KLHL13: variants seen among roughly 807,000 people sequenced by gnomAD.
The protein encoded by KLHL13 is kelch like family member 13, also known as kelch-like protein 13.
In KLHL13, 10 loss-of-function variants were observed where a neutral mutation model predicts 37.1. The observed-to-expected ratio is 0.27, with a 90% confidence interval of 0.17 to 0.46. The LOEUF is 0.46. KLHL13 is among the 20% of genes least tolerant of loss of function. The probability of loss-of-function intolerance (pLI) is 1.00; values close to 1 mark genes in which losing one functional copy is unlikely to be tolerated. For missense variants in KLHL13, 360 were observed against 509.3 expected (o/e 0.71, Z 2.82); for synonymous variants, 163 against 181.2 (o/e 0.90, Z 0.81).
At chrX:118,095,357 T>C (rs2055192263) in intron 1 of KLHL13, among the ~76,000 whole-genome samples, 1 of 111,453 alleles carries the variant, frequency 9.0e-6, no homozygotes, top group Non-Finnish European at 1.9e-5. Context: ...TAAATATATA[T>C]GCACCCAATA....
chrX:118,002,048 T>C (rs2053927660), intron 1 of KLHL13, among the ~76,000 whole-genome samples: 1 of 111,031 alleles, frequency 9.0e-6, no homozygotes, highest in Non-Finnish European at 1.9e-5. Flanking sequence ...TCAAGTGCGG[T>C]AACAGTTAAA....
At chrX:118,110,619 C>T (rs1022513152) in intron 1 of KLHL13, among the ~76,000 whole-genome samples, 2 of 110,532 alleles carry the variant, frequency 1.8e-5, no homozygotes, top group Middle Eastern at 4.2e-3. Context: ...CCTTATCATC[C>T]GCCCGCCTCG....
intron 1 of KLHL13, among the ~76,000 whole-genome samples, chrX:118,106,241 T>A (rs1444421391): frequency 9.1e-6 from 1 of 110,162 alleles, no homozygotes; most frequent in African/African-American, 3.3e-5. Flanking sequence ...GATTAGAAAC[T>A]AAAGGCCTAC....
chrX:117,942,485 G>A (rs755743625), intron 2 of KLHL13, among the ~76,000 whole-genome samples: 120 of 111,260 alleles, frequency 1.1e-3, no homozygotes, highest in African/African-American at 3.7e-3. Flanking sequence ...AGATCTCTAC[G>A]AACTTGCTTA....
chrX:117,927,367 A>C lies in KLHL13; in HGVS notation c.241-6997T>G, dbSNP rs146440270. ...TGACAGTGGGGGTGGCAGATGCCTA[A>C]AACCCTGTAAAAGAGGAACCTTTCT... On this transcript the variant is annotated intron_variant, in intron 2 of 6. Transcript: ENST00000262820. Among the ~76,000 whole-genome samples, 950 of 112,133 alleles carry C rather than the reference A, an allele frequency of 8.5e-3. 7 individuals carry two copies. The highest frequency in any genetic ancestry group is 0.03 in the African/African-American group (912 of 30,889).
intron 1 of KLHL13, among the ~76,000 whole-genome samples, chrX:118,061,014 C>T (rs2054734512): frequency 9.0e-6 from 1 of 111,085 alleles, no homozygotes; most frequent in Non-Finnish European, 1.9e-5. Flanking sequence ...CCTATCTCCA[C>T]ACTTCACCAC....
intron 1 of KLHL13, among the ~76,000 whole-genome samples, chrX:117,955,359 A>G: frequency 9.0e-6 from 1 of 111,715 alleles, no homozygotes; most frequent in Non-Finnish European, 1.9e-5. Flanking sequence ...ACCTAAGAGT[A>G]AGACTCACAA....
intron 1 of KLHL13, among the ~76,000 whole-genome samples, chrX:117,967,984 T>C (rs1006044564): frequency 2.7e-5 from 3 of 111,248 alleles, no homozygotes. Flanking sequence ...CAAGCAGAGA[T>C]TCTGCTTAAA....
chrX:117,932,931 T>C (rs1403655683), intron 2 of KLHL13, among the ~76,000 whole-genome samples: 1 of 112,197 alleles, frequency 8.9e-6, no homozygotes, highest in African/African-American at 3.2e-5. Context: ...TGATTTTGCA[T>C]TGTGGTTCTG....
At chrX:117,923,627 T>C (rs1931842440) in intron 2 of KLHL13, among the ~76,000 whole-genome samples, 1 of 112,135 alleles carries the variant, frequency 8.9e-6, no homozygotes, top group Non-Finnish European at 1.9e-5. Flanking sequence ...ATAATGTCAG[T>C]ATGTTCCATT....
At chrX:118,098,874 A>T (rs1426825432) in intron 1 of KLHL13, among the ~76,000 whole-genome samples, 1 of 95,531 alleles carries the variant, frequency 1.0e-5, no homozygotes, top group African/African-American at 3.8e-5. Flanking sequence ...GAATTGAACA[A>T]TGAGAACACA....
At chrX:117,942,840 T>C (rs1410884573) in intron 2 of KLHL13, among the ~76,000 whole-genome samples, 1 of 111,543 alleles carries the variant, frequency 9.0e-6, no homozygotes, top group Non-Finnish European at 1.9e-5. Context: ...AGGTTAATAT[T>C]GTTATGTGTG....
chrX:118,006,753 T>A (rs1053661567), intron 1 of KLHL13, among the ~76,000 whole-genome samples: 1 of 111,517 alleles, frequency 9.0e-6, no homozygotes, highest in Admixed American at 9.5e-5. Context: ...AAGAAACTGG[T>A]ACCACTGTTA....
At chrX:118,108,636 T>C (rs2055371992) in intron 1 of KLHL13, among the ~76,000 whole-genome samples, 1 of 112,122 alleles carries the variant, frequency 8.9e-6, no homozygotes, top group African/African-American at 3.2e-5. Context: ...ACAAACCAAT[T>C]TGTATACTAT....
At chrX:117,966,974 C>T (rs1362279206) in intron 1 of KLHL13, among the ~76,000 whole-genome samples, 3 of 111,631 alleles carry the variant, frequency 2.7e-5, no homozygotes, top group African/African-American at 9.8e-5. Context: ...AAAACCTAGG[C>T]AATACCATTC....
At position 117,945,732 on chromosome X, in the gene KLHL13, T is replaced by C. The variant is rs977963235; in HGVS notation, c.99-157A>G. On this transcript the variant is annotated intron_variant, in intron 1 of 6. Transcript: ENST00000262820. ...TATTATACGCTTGTACCACTCTTTA[T>C]CTTAGAAGAAATGTATATTTGTAAA... 7.3e-6 allele frequency: 3 copies of C among 412,664 alleles called. No homozygotes were observed. The African/African-American group carries it at 7.5e-5, about 10-fold the overall frequency. 34.0% of individuals were successfully genotyped at this position (412,664 alleles called of 1,213,427 possible). A position where few individuals can be genotyped will look rare whatever the true frequency, so the allele number is the denominator to read the frequency against.
At position 118,069,076 on chromosome X, in the gene KLHL13, G is replaced by C. The variant is rs1173316602; in HGVS notation, c.-56+47432C>G. Among the ~76,000 whole-genome samples, 4 of 105,081 alleles carry C rather than the reference G, an allele frequency of 3.8e-5. No homozygotes were observed. The South Asian group carries it at 1.7e-3, about 44-fold the overall frequency. 91.3% of individuals were successfully genotyped at this position (105,081 alleles called of 115,157 possible). Reference sequence around the variant, plus strand: ...GCAAACAGCGCTTTGGTGGAGCCCTGCATCCTGGTGAAAACAGGGCCATCC... The same window carrying C: ...GCAAACAGCGCTTTGGTGGAGCCCTCCATCCTGGTGAAAACAGGGCCATCC... On this transcript the variant is annotated intron_variant, in intron 1 of 6. Coordinates refer to the KLHL13 transcript ENST00000371882.
chrX:118,087,065 A>G (rs1206920193), intron 1 of KLHL13, among the ~76,000 whole-genome samples: 3 of 111,846 alleles, frequency 2.7e-5, no homozygotes, highest in Non-Finnish European at 5.6e-5. Flanking sequence ...ATTGAAAATG[A>G]GAAAAATACA....
At chrX:117,975,601 G>A (rs929534043), upstream of KLHL13, among the ~76,000 whole-genome samples, 5 of 112,002 alleles carry the variant, frequency 4.5e-5, no homozygotes, top group Non-Finnish European at 9.4e-5. Flanking sequence ...ATACTGGTCA[G>A]GCTGGTCTCG....
Sources: gnomAD v4.1 joint callset for allele counts (sites outside exome capture counted in the v4.1 genomes callset) on GRCh38, gnomAD v4.1.1 for gene constraint, MANE v1.5 for transcripts, NCBI Gene and HGNC (gene_info 2026-07-23, HGNC 2026-07-21) for gene names.